The following CLVS1 variants were observed in gnomAD, a reference collection of about 807,000 sequenced individuals.
CLVS1 encodes clavesin 1.
CLVS1 carries 10 observed loss-of-function variants against 33.1 expected under a neutral mutation model. The ratio of observed to expected loss-of-function variants is 0.30; its 90% confidence interval spans 0.19 to 0.51. The LOEUF (loss-of-function observed/expected upper bound fraction) is 0.51. CLVS1 is among the 20% of genes least tolerant of loss of function. The probability of loss-of-function intolerance (pLI) is 0.97; values close to 1 mark genes in which losing one functional copy is unlikely to be tolerated. For synonymous variants in CLVS1, 163 were observed against 166.1 expected (o/e 0.98, Z 0.14); for missense variants, 343 against 433.4 (o/e 0.79, Z 1.85).
chr8:60,984,403 C>T, the CLVS1 span, among the ~76,000 whole-genome samples: 1 of 150,130 alleles, frequency 6.7e-6, no homozygotes, highest in East Asian at 2.0e-4. Context: ...TCACTGCAAT[C>T]TTTGCCTCCC....
intron 2 of CLVS1, among the ~76,000 whole-genome samples, chr8:61,328,548 T>G (rs1415962782): frequency 6.6e-6 from 1 of 151,830 alleles, no homozygotes; most frequent in Non-Finnish European, 1.5e-5. Context: ...TTTAATCACT[T>G]CCCTTATCCT....
chr8:61,292,807 G>A (rs1810043659), intron 1 of CLVS1, among the ~76,000 whole-genome samples: 1 of 152,164 alleles, frequency 6.6e-6, no homozygotes. Flanking sequence ...CAAACACAGT[G>A]AGGAGGAACA....
intron 5 of CLVS1, among the ~76,000 whole-genome samples, chr8:61,473,993 G>A (rs1426216704): frequency 6.6e-6 from 1 of 152,098 alleles, no homozygotes; most frequent in African/African-American, 2.4e-5. Flanking sequence ...AAATTCTGGA[G>A]TGGGAAAAAT....
chr8:61,460,095 A>G (rs1817320495), intron 5 of CLVS1, among the ~76,000 whole-genome samples: 3 of 152,218 alleles, frequency 2.0e-5, no homozygotes, highest in Non-Finnish European at 1.5e-5. Flanking sequence ...ATTCTGAGGT[A>G]CTTCAACATA....
chr8:61,075,224 G>A (rs536595476), intron 1 of CLVS1, among the ~76,000 whole-genome samples: 1 of 152,264 alleles, frequency 6.6e-6, no homozygotes, highest in South Asian at 2.1e-4. Context: ...TTTTCACGTA[G>A]CAGTCAGCAG....
chr8:61,080,617 C>CT (rs1376489760), intron 1 of CLVS1, among the ~76,000 whole-genome samples: 1 of 152,202 alleles, frequency 6.6e-6, no homozygotes, highest in East Asian at 1.9e-4. Flanking sequence ...CTTAAAATAA[C>CT]TTGCTTTTGG....
chr8:61,033,933 C>T, the CLVS1 span, among the ~76,000 whole-genome samples: 1 of 152,222 alleles, frequency 6.6e-6, no homozygotes, highest in Non-Finnish European at 1.5e-5. Context: ...TTAGAGACTC[C>T]GGCTTGGTCA....
chr8:61,325,209 C>T (rs1811340211), intron 2 of CLVS1, among the ~76,000 whole-genome samples: 1 of 151,948 alleles, frequency 6.6e-6, no homozygotes, highest in Admixed American at 6.6e-5. Flanking sequence ...CACACATACA[C>T]ACACACACAC....
chr8:61,092,610 C>CTCAA (rs1477272961), intron 1 of CLVS1, among the ~76,000 whole-genome samples: 2 of 152,180 alleles, frequency 1.3e-5, no homozygotes, highest in African/African-American at 4.8e-5. Flanking sequence ...GTTGCCTTGG[C>CTCAA]TCATGGCCCC....
At chr8:61,356,242 CCCAG>C (rs1563513240) in intron 2 of CLVS1, among the ~76,000 whole-genome samples, 2 of 152,054 alleles carry the variant, frequency 1.3e-5, no homozygotes, top group Admixed American at 1.3e-4. Flanking sequence ...ATATCCTTCA[CCCAG>C]TTTTTGATGG....
chr8:61,121,949 T>TA (rs1359360133), intron 1 of CLVS1, among the ~76,000 whole-genome samples: 2 of 152,118 alleles, frequency 1.3e-5, no homozygotes, highest in Admixed American at 1.3e-4. Context: ...GACCCTGAAA[T>TA]ACAACAGGAG....
At chr8:61,103,440 G>A (rs369469091) in intron 1 of CLVS1, among the ~76,000 whole-genome samples, 3 of 152,172 alleles carry the variant, frequency 2.0e-5, no homozygotes, top group Admixed American at 6.5e-5. Flanking sequence ...AGAAAAAGAT[G>A]AGCATCTGAA....
chr8:61,371,989 T>C (rs1264927025), intron 2 of CLVS1, among the ~76,000 whole-genome samples: 2 of 152,184 alleles, frequency 1.3e-5, no homozygotes, highest in African/African-American at 2.4e-5. Flanking sequence ...GTTCACATAG[T>C]CCTCTCACAT....
At chr8:61,020,599 A>G in the CLVS1 span, among the ~76,000 whole-genome samples, 2 of 152,184 alleles carry the variant, frequency 1.3e-5, no homozygotes, top group South Asian at 4.1e-4. Context: ...CCACAGATTT[A>G]CCAGGTTTTT....
chr8:61,481,426 G>A (rs928182814), intron 5 of CLVS1, among the ~76,000 whole-genome samples: 5 of 152,224 alleles, frequency 3.3e-5, no homozygotes, highest in Non-Finnish European at 7.3e-5. Context: ...AGCGCAAGGG[G>A]TCAGAGGATT....
At chr8:61,370,062 G>C (rs1346286370) in intron 2 of CLVS1, among the ~76,000 whole-genome samples, 2 of 152,176 alleles carry the variant, frequency 1.3e-5, no homozygotes, top group Non-Finnish European at 2.9e-5. Context: ...CCAAGACATA[G>C]ATATTTGGCA....
chr8:61,350,960 T>TACA (rs1255144699), intron 2 of CLVS1, among the ~76,000 whole-genome samples: 3 of 152,130 alleles, frequency 2.0e-5, no homozygotes, highest in African/African-American at 7.2e-5. Context: ...GAGGAATTGA[T>TACA]ACATGTCCTC....
chr8:61,357,661 A>G (rs1002832209), intron 2 of CLVS1, among the ~76,000 whole-genome samples: 1 of 151,398 alleles, frequency 6.6e-6, no homozygotes, highest in Non-Finnish European at 1.5e-5. Flanking sequence ...GCCTGCCACC[A>G]TGTCTGGCTA....
chr8:61,270,446 G>A (rs1809413148), intron 2 of CLVS1, among the ~76,000 whole-genome samples: 4 of 152,198 alleles, frequency 2.6e-5, no homozygotes, highest in Admixed American at 2.0e-4. Flanking sequence ...TTGCATCAAT[G>A]TTCATCAAGG....
Sources: gnomAD v4.1 joint callset for allele counts (sites outside exome capture counted in the v4.1 genomes callset) on GRCh38, gnomAD v4.1.1 for gene constraint, MANE v1.5 for transcripts, NCBI Gene and HGNC (gene_info 2026-07-23, HGNC 2026-07-21) for gene names.